IQSEC1: variants seen among roughly 807,000 people sequenced by gnomAD.
The protein encoded by IQSEC1 is IQ motif and Sec7 domain ArfGEF 1, also known as IQ motif and SEC7 domain-containing protein 1.
IQSEC1 carries 31 observed loss-of-function variants against 91.0 expected under a neutral mutation model. That is an observed-to-expected ratio of 0.34 (90% CI 0.26 to 0.46). IQSEC1 has a LOEUF of 0.46. IQSEC1 is among the 20% of genes least tolerant of loss of function. IQSEC1 has a pLI of 1.00. For missense variants in IQSEC1, 1,388 were observed against 1,575.6 expected (o/e 0.88, Z 2.02); for synonymous variants, 699 against 662.6 (o/e 1.05, Z -0.84).
intron 1 of IQSEC1, among the ~76,000 whole-genome samples, chr3:13,264,629 A>G (rs553058852): frequency 1.3e-5 from 2 of 152,196 alleles, no homozygotes; most frequent in Admixed American, 6.5e-5. Context: ...CTCTGCAGGA[A>G]GGCTGGCACT....
At chr3:13,142,034 T>C (rs1363388766) in intron 2 of IQSEC1, among the ~76,000 whole-genome samples, 1 of 152,162 alleles carries the variant, frequency 6.6e-6, no homozygotes, top group African/African-American at 2.4e-5. Context: ...TCCTCCCCTG[T>C]CTGAGTGACC....
chr3:13,245,160 T>C (rs1309306074), intron 1 of IQSEC1, among the ~76,000 whole-genome samples: 1 of 152,122 alleles, frequency 6.6e-6, no homozygotes, highest in Non-Finnish European at 1.5e-5. Context: ...CATGTGTCTG[T>C]GGGCTGCCGG....
intron 1 of IQSEC1, among the ~76,000 whole-genome samples, chr3:12,953,357 C>T (rs1055060807): frequency 3.3e-5 from 5 of 152,222 alleles, no homozygotes; most frequent in African/African-American, 7.2e-5. Context: ...GGGCGGAGAC[C>T]GGCCTCACTG....
chr3:13,224,433 C>T (rs912703575), intron 1 of IQSEC1, among the ~76,000 whole-genome samples: 2 of 152,124 alleles, frequency 1.3e-5, no homozygotes, highest in African/African-American at 4.8e-5. Context: ...CAGGCAGGGA[C>T]CGCCTGCTGT....
At chr3:13,069,072 C>T (rs1266879968) in intron 1 of IQSEC1, among the ~76,000 whole-genome samples, 3 of 152,210 alleles carry the variant, frequency 2.0e-5, no homozygotes, top group Non-Finnish European at 4.4e-5. Flanking sequence ...CAGGACCTGC[C>T]CAGTGGCTTC....
rs1245160300 is a variant in IQSEC1 at position 12,900,131 on chromosome 3, A to G, written c.*852T>C. 1.2e-5 allele frequency: 12 copies of G among 974,362 alleles called. No homozygotes were observed. Among genetic ancestry groups the G allele is most frequent in the Non-Finnish European group, 3.7e-6 (3 of 820,060 alleles). The allele number at this position is 974,362 out of a possible 1,614,324, so 60.4% of individuals were successfully genotyped here. ...TGCTTACCTGAAATAACAGCATTAT[A>G]ATACTATTTATGATAGTATTCTGTT... On this transcript the variant is annotated 3_prime_UTR_variant, in exon 14 of 14. Transcript: ENST00000613206.
chr3:13,235,988 G>A (rs765169382), intron 1 of IQSEC1, among the ~76,000 whole-genome samples: 3 of 152,118 alleles, frequency 2.0e-5, no homozygotes, highest in East Asian at 1.9e-4. Flanking sequence ...AGCAAGGAAC[G>A]CAGCTTCCTT....
intron 2 of IQSEC1, among the ~76,000 whole-genome samples, chr3:13,140,025 A>AG (rs1233566304): frequency 1.3e-5 from 2 of 152,130 alleles, no homozygotes; most frequent in African/African-American, 4.8e-5. Flanking sequence ...GCTGCTCCTG[A>AG]GCTCCAACTC....
intron 1 of IQSEC1, among the ~76,000 whole-genome samples, chr3:13,209,927 C>T (rs1014581776): frequency 4.0e-5 from 6 of 151,810 alleles, no homozygotes; most frequent in African/African-American, 1.5e-4. Context: ...CAACCTTTCC[C>T]ATTGCTATGC....
chr3:13,198,516 C>T (rs1194186566), intron 1 of IQSEC1, among the ~76,000 whole-genome samples: 1 of 152,040 alleles, frequency 6.6e-6, no homozygotes, highest in Non-Finnish European at 1.5e-5. Flanking sequence ...GCGGTGATGA[C>T]CGCTGGAATG....
intron 1 of IQSEC1, among the ~76,000 whole-genome samples, chr3:13,011,210 C>G (rs1270826468): frequency 6.6e-6 from 1 of 152,172 alleles, no homozygotes; most frequent in Non-Finnish European, 1.5e-5. Flanking sequence ...CCCAGGCGTA[C>G]CAGCAGACAC....
chr3:13,218,247 G>T (rs1297797990), intron 1 of IQSEC1, among the ~76,000 whole-genome samples: 1 of 152,212 alleles, frequency 6.6e-6, no homozygotes, highest in African/African-American at 2.4e-5. Flanking sequence ...AGGCATGGGT[G>T]GGGAGCGGCT....
chr3:13,093,160 A>G (rs34444349), intron 2 of IQSEC1, among the ~76,000 whole-genome samples: 54,720 of 151,800 alleles, frequency 0.36, 10,264 homozygotes, highest in East Asian at 0.53. Flanking sequence ...GGTTTCACCA[A>G]CTCCAGCTGG....
In IQSEC1 at chr3:12,902,411, G is replaced by A. The variant is rs150009652; in HGVS notation, c.2805+362C>T. ...TGAGTGGGAGCCGGGTGGCCCGGGC[G>A]GGGGTGCCGGAAGCTGGGGATGGTC... On this transcript the variant is annotated intron_variant, in intron 13 of 13. Transcript: ENST00000613206. Among the ~76,000 whole-genome samples, 283 of 152,004 alleles carry A rather than the reference G, an allele frequency of 1.9e-3. 2 individuals are homozygous for A. The highest frequency in any genetic ancestry group is 6.6e-3 in the African/African-American group (273 of 41,430).
At chr3:12,988,442 A>G (rs1217115485) in intron 1 of IQSEC1, among the ~76,000 whole-genome samples, 1 of 152,166 alleles carries the variant, frequency 6.6e-6, no homozygotes, top group Non-Finnish European at 1.5e-5. Context: ...AATAAAAATA[A>G]ATACAATAAA....
intron 1 of IQSEC1, among the ~76,000 whole-genome samples, chr3:12,971,664 G>T (rs1274346487): frequency 6.6e-6 from 1 of 152,188 alleles, no homozygotes; most frequent in African/African-American, 2.4e-5. Flanking sequence ...CTTCTTAAAA[G>T]AGACCCAAGA....
chr3:13,142,524 T>A (rs1304934739), intron 2 of IQSEC1, among the ~76,000 whole-genome samples: 1 of 152,174 alleles, frequency 6.6e-6, no homozygotes, highest in Non-Finnish European at 1.5e-5. Context: ...GCTGCCTTCC[T>A]CCCTGCTGCC....
At chr3:12,903,908 A>G (rs909712052) in intron 12 of IQSEC1, among the ~76,000 whole-genome samples, 4 of 152,226 alleles carry the variant, frequency 2.6e-5, no homozygotes, top group African/African-American at 7.2e-5. Flanking sequence ...CTGAGGCCCA[A>G]TTCTCACAGG....
At chr3:12,914,599 G>A (rs1200992066) in intron 8 of IQSEC1, among the ~76,000 whole-genome samples, 2 of 152,192 alleles carry the variant, frequency 1.3e-5, no homozygotes, top group African/African-American at 2.4e-5. Context: ...AGGGCAGGCA[G>A]AGCGGCTTTC....
Sources: gnomAD v4.1 joint callset for allele counts (sites outside exome capture counted in the v4.1 genomes callset) on GRCh38, gnomAD v4.1.1 for gene constraint, MANE v1.5 for transcripts, NCBI Gene and HGNC (gene_info 2026-07-23, HGNC 2026-07-21) for gene names.